Variants in USP3 observed in about 807,000 individuals in gnomAD.
USP3 encodes the protein ubiquitin specific peptidase 3, also known as ubiquitin carboxyl-terminal hydrolase 3.
In USP3, 20 loss-of-function variants were observed where a neutral mutation model predicts 72.3. That is an observed-to-expected ratio of 0.28 (90% CI 0.19 to 0.40). The LOEUF is 0.40. Among genes scored for constraint, USP3 ranks in the 10% least tolerant of loss-of-function variants. The pLI, the probability that USP3 is intolerant of heterozygous loss-of-function variation, is 1.00. For synonymous variants in USP3, 222 were observed against 225.3 expected (o/e 0.99, Z 0.13); for missense variants, 479 against 633.9 (o/e 0.76, Z 2.62).
intron 3 of USP3, among the ~76,000 whole-genome samples, chr15:63,547,827 A>T (rs2066366785): frequency 8.8e-6 from 1 of 113,788 alleles, no homozygotes; most frequent in African/African-American, 3.4e-5. Flanking sequence ...AGAGAGAGAG[A>T]GAGAGAGAGG....
intron 3 of USP3, among the ~76,000 whole-genome samples, chr15:63,541,630 C>A (rs970269542): frequency 3.3e-4 from 50 of 152,086 alleles, no homozygotes; most frequent in African/African-American, 1.2e-3. Context: ...CCATAATTGG[C>A]TTATTTGATG....
intron 7 of USP3, among the ~76,000 whole-genome samples, chr15:63,561,564 C>T (rs991698420): frequency 6.6e-6 from 1 of 152,174 alleles, no homozygotes; most frequent in South Asian, 2.1e-4. Flanking sequence ...GCTCTTTGCC[C>T]CCCCTGCTAC....
chr15:63,589,938 T>C (rs1237129186), intron 14 of USP3, among the ~76,000 whole-genome samples: 2 of 150,112 alleles, frequency 1.3e-5, no homozygotes, highest in Non-Finnish European at 2.9e-5. Flanking sequence ...TAACAGCCTA[T>C]TCTTGTTTTA....
At position 63,556,671 on chromosome 15, in the gene USP3, G is replaced by C. The variant is rs1274384454; in HGVS notation, c.373G>C (p.Ala125Pro). 2 of 1,604,628 alleles carry C rather than the reference G, an allele frequency of 1.2e-6. No individual in the cohort carries two copies. Among genetic ancestry groups the C allele is most frequent in the East Asian group, 2.2e-5 (1 of 44,804 alleles). The change falls in exon 5 of 15, where the codon GCT becomes CCT. Residue 125 changes from alanine (A) to proline (P), a missense_variant. Transcript: ENST00000380324. Reference sequence around the variant, plus strand: ...TATCTGTTTGTGTTTTAATAGCTCAGCTTTCACAGCTGACAGGCATAAGAA... The same window carrying C: ...TATCTGTTTGTGTTTTAATAGCTCACCTTTCACAGCTGACAGGCATAAGAA... ...REHLQNLENS[A>P]FTADRHKKRK...
intron 11 of USP3, among the ~76,000 whole-genome samples, chr15:63,586,213 G>C (rs1350383366): frequency 6.6e-6 from 1 of 152,126 alleles, no homozygotes; most frequent in East Asian, 1.9e-4. Context: ...CCAATATTAT[G>C]TTGAACAGAA....
At position 63,544,509 on chromosome 15, in the gene USP3, G is replaced by A. The variant is rs2066291938; in HGVS notation, c.284+7353G>A. ...CTTTTAGAATTAGAGGGGGCAAGTA[G>A]TGCAGGGCAAAAACAGGAAGGAAAC... On this transcript the variant is annotated intron_variant, in intron 3 of 14. Transcript: ENST00000380324. The surrounding 1 kb of genome is among the most constrained non-coding windows in gnomAD (Gnocchi z 4.2). 2 of 567,178 alleles carry A rather than the reference G, an allele frequency of 3.5e-6. No homozygotes were observed. Among genetic ancestry groups the A allele is most frequent in the Admixed American group, 6.7e-5 (2 of 29,728 alleles). The allele number at this position is 567,178 out of a possible 1,614,324, so 35.1% of individuals were successfully genotyped here. A position where few individuals can be genotyped will look rare whatever the true frequency, so the allele number is the denominator to read the frequency against.
rs1476763086 is a variant in USP3 at position 63,528,833 on chromosome 15, A to T, written c.92-3814A>T. Among the ~76,000 whole-genome samples, 2 of 152,178 alleles carry T rather than the reference A, an allele frequency of 1.3e-5. No homozygotes were observed. Among genetic ancestry groups the T allele is most frequent in the African/African-American group, 4.8e-5 (2 of 41,448 alleles). ...TGTACAATTACCTGTTCTCTTCTTA[A>T]CAATAATTGAGAGTTTAATTTAAAG... On this transcript the variant is annotated intron_variant, in intron 1 of 14. Transcript: ENST00000380324. The surrounding 1 kb of genome is among the most constrained non-coding windows in gnomAD (Gnocchi z 4.3).
In USP3 at chr15:63,570,661, A is replaced by C. The variant is rs1260949363; in HGVS notation, c.908+82A>C. On this transcript the variant is annotated intron_variant, in intron 9 of 14. Transcript: ENST00000380324. This position sits in a 1 kb window ranked among gnomAD's most constrained non-coding sequence, Gnocchi z 4.4. Reference sequence around the variant, plus strand: ...TAATTATGTGTTAGATTTATAACGGAAGGTAGAGGGGTTTCTTGGACATTT... The same window carrying C: ...TAATTATGTGTTAGATTTATAACGGCAGGTAGAGGGGTTTCTTGGACATTT... 6.5e-7 allele frequency: 1 copy of C among 1,526,846 alleles called. No homozygotes were observed. Among genetic ancestry groups the C allele is most frequent in the African/African-American group, 1.4e-5 (1 of 72,018 alleles). The allele number at this position is 1,526,846 out of a possible 1,614,324, so 94.6% of individuals were successfully genotyped here.
Position 63,570,571 on chromosome 15 carries a change from G to C in USP3, c.900G>C (p.Lys300Asn). ...ATTCTACTCTGTCTGCAAGTAACAA[G>C]TGTTGCATGTAAGATTTAGTTGCCT... Reference protein sequence around the residue: ...QENSTLSASNKCCINGASTVV... With the variant: ...QENSTLSASNNCCINGASTVV... The change falls in exon 9 of 15, where the codon AAG (lysine) becomes AAC (asparagine). Residue 300 changes from lysine (K) to asparagine (N), a missense_variant. By Grantham distance (94) the Lys-to-Asn change is moderately conservative (BLOSUM62 0). Coordinates refer to ENST00000380324, the MANE Select transcript of USP3 (RefSeq NM_006537.4). This position sits in a 1 kb window ranked among gnomAD's most constrained non-coding sequence, Gnocchi z 4.4. The C allele has an allele frequency of 6.2e-7, 1 of 1,610,200 alleles. No homozygotes were observed. Among genetic ancestry groups the C allele is most frequent in the East Asian group, 2.2e-5 (1 of 44,800 alleles).
intron 11 of USP3, chr15:63,587,611 G>GTGTT (rs1156235105): frequency 1.3e-5 from 2 of 152,210 alleles, no homozygotes; most frequent in East Asian, 3.8e-4. Flanking sequence ...AAGATTTACA[G>GTGTT]TGTTTTAGGC....
At chr15:63,548,854 C>A (rs756337276) in intron 3 of USP3, among the ~76,000 whole-genome samples, 2 of 151,988 alleles carry the variant, frequency 1.3e-5, no homozygotes, top group Non-Finnish European at 2.9e-5. Context: ...CCACCACGCC[C>A]GACTATAAAA....
At chr15:63,525,217 A>G (rs947533081) in intron 1 of USP3, among the ~76,000 whole-genome samples, 1 of 152,176 alleles carries the variant, frequency 6.6e-6, no homozygotes, top group African/African-American at 2.4e-5. Flanking sequence ...ACCTGAATTC[A>G]GTCTTGGTTC....
At chr15:63,550,094 A>G (rs1463541065) in intron 3 of USP3, among the ~76,000 whole-genome samples, 1 of 152,228 alleles carries the variant, frequency 6.6e-6, no homozygotes, top group East Asian at 1.9e-4. Flanking sequence ...ATCTCAGCTC[A>G]CTGCAACCTC....
chr15:63,565,476 A>T (rs993614352), intron 8 of USP3, among the ~76,000 whole-genome samples: 1 of 152,244 alleles, frequency 6.6e-6, no homozygotes, highest in East Asian at 1.9e-4. Context: ...TTAAATAGGC[A>T]AAAACATATG....
rs1355535640 is a variant in USP3 at position 63,528,214 on chromosome 15, A to G, written c.92-4433A>G. ...GGAAGAATCCAAGTAAACCGAAGAAATTTGCTGGAGGACGGGGTATCTTGG... is the reference window on the plus strand; with the variant it reads ...GGAAGAATCCAAGTAAACCGAAGAAGTTTGCTGGAGGACGGGGTATCTTGG... On this transcript the variant is annotated intron_variant, in intron 1 of 14. Transcript: ENST00000380324. This position sits in a 1 kb window ranked among gnomAD's most constrained non-coding sequence, Gnocchi z 4.3. 6.6e-6 allele frequency: 1 copy of G among 152,220 alleles called. No homozygotes were observed. The highest frequency in any genetic ancestry group is 2.4e-5 in the African/African-American group (1 of 41,440). The allele number at this position is 152,220 out of a possible 1,614,324, so 9.4% of individuals were successfully genotyped here.
intron 3 of USP3, among the ~76,000 whole-genome samples, chr15:63,545,988 A>AAC (rs1255592715): frequency 2.4e-4 from 36 of 146,994 alleles, no homozygotes; most frequent in Admixed American, 1.5e-3. Flanking sequence ...AAAAAAAAAA[A>AAC]AAAAAAACAG....
chr15:63,521,514 T>C (rs2065920563), intron 1 of USP3, among the ~76,000 whole-genome samples: 1 of 152,228 alleles, frequency 6.6e-6, no homozygotes, highest in Non-Finnish European at 1.5e-5. Context: ...TGAAGTGAAA[T>C]ACTTATCTAT....
At position 63,577,908 on chromosome 15, in the gene USP3, G is replaced by A. The variant is rs1462881770; in HGVS notation, c.1096+3505G>A. On this transcript the variant is annotated intron_variant, in intron 11 of 14. Coordinates refer to ENST00000380324, the MANE Select transcript of USP3 (RefSeq NM_006537.4). Reference sequence around the variant, plus strand: ...CTGCTCCTGTACTCTAGGCCTGGGTGAGAGAGTGAGACCCTGCCTCAAAAA... The same window carrying A: ...CTGCTCCTGTACTCTAGGCCTGGGTAAGAGAGTGAGACCCTGCCTCAAAAA... Among the ~76,000 whole-genome samples the A allele has an allele frequency of 2.8e-5, 4 of 143,504 alleles. No individual in the cohort carries two copies. The East Asian group carries it at 7.9e-4, about 28-fold the overall frequency. 94.1% of individuals were successfully genotyped at this position (143,504 alleles called of 152,430 possible).
At position 63,574,115 on chromosome 15, in the gene USP3, A is replaced by G. The variant is rs138310278; in HGVS notation, c.978A>G (p.Ile326Met). ...GILQNEVNCL[I>M]CGTESRKFDP... ...TCCAAAATGAGGTTAACTGCCTCAT[A>G]TGTGGGACAGAATCTAGAAAGTTTG... The change falls in exon 10 of 15, where the codon ATA becomes ATG. Residue 326 changes from isoleucine (I) to methionine (M), a missense_variant. Ile to Met is a conservative substitution (Grantham distance 10). Coordinates refer to ENST00000380324, the MANE Select transcript of USP3 (RefSeq NM_006537.4). This position sits in a 1 kb window ranked among gnomAD's most constrained non-coding sequence, Gnocchi z 4.6. 37 of 1,596,032 alleles carry G rather than the reference A, an allele frequency of 2.3e-5. No individual in the cohort carries two copies. In the African/African-American group the frequency reaches 4.8e-4, roughly 21 times the overall value.
Sources: allele counts gnomAD v4.1 joint callset (sites outside exome capture counted in the v4.1 genomes callset), GRCh38; gene constraint gnomAD v4.1.1; non-coding constraint Gnocchi (gnomAD v3.1); transcripts MANE v1.5; gene names NCBI Gene and HGNC (gene_info 2026-07-23, HGNC 2026-07-21).